SH3RF3: variants seen among roughly 807,000 people sequenced by gnomAD.
SH3RF3 encodes E3 ubiquitin-protein ligase SH3RF3.
A neutral mutation model predicts 66.3 loss-of-function variants in SH3RF3; 29 were observed. That is an observed-to-expected ratio of 0.44 (90% confidence interval 0.33 to 0.60). The LOEUF (loss-of-function observed/expected upper bound fraction) is 0.60, where lower values mean the gene tolerates loss of function less well. Ranked by LOEUF, SH3RF3 falls within the 20% of genes least tolerant of loss-of-function variation. The pLI is 0.04. For synonymous variants in SH3RF3, 583 were observed against 532.0 expected (o/e 1.10, Z -1.32); for missense variants, 1,194 against 1,190.9 (o/e 1.00, Z -0.04).
intron 8 of SH3RF3, among the ~76,000 whole-genome samples, chr2:109,463,252 G>A (rs1441497155): frequency 6.6e-6 from 1 of 152,234 alleles, no homozygotes; most frequent in Non-Finnish European, 1.5e-5. Flanking sequence ...GGAATATAAT[G>A]GACTGCCAGT....
At chr2:109,264,211 A>ATAT in intron 1 of SH3RF3, among the ~76,000 whole-genome samples, 2 of 147,926 alleles carry the variant, frequency 1.4e-5, no homozygotes, top group Admixed American at 6.7e-5. Context: ...TCACCTCCCC[A>ATAT]GGATCCACTC....
intron 8 of SH3RF3, among the ~76,000 whole-genome samples, chr2:109,461,946 C>G (rs1476976446): frequency 6.6e-6 from 1 of 152,158 alleles, no homozygotes; most frequent in Non-Finnish European, 1.5e-5. Flanking sequence ...CTTTTTAACT[C>G]TGGCTATAGG....
intron 1 of SH3RF3, among the ~76,000 whole-genome samples, chr2:109,317,324 G>A (rs1681909230): frequency 1.3e-5 from 2 of 152,140 alleles, no homozygotes; most frequent in African/African-American, 2.4e-5. Flanking sequence ...TCCCTGAGGG[G>A]GCGTCTGTGG....
chr2:109,169,282 G>A lies in SH3RF3; in HGVS notation c.573+39169G>A, dbSNP rs76391129. On this transcript the variant is annotated intron_variant, in intron 1 of 9. Transcript: ENST00000309415. ...AAAGTGTTTGTACTTGCTGAGAGGC[G>A]GGTATATTATTTTTGCCAAGTTCAT... Among the ~76,000 whole-genome samples the A allele has an allele frequency of 2.4e-3, 364 of 152,250 alleles. 1 individual carries two copies. The highest frequency in any genetic ancestry group is 8.0e-3 in the African/African-American group (334 of 41,534).
At chr2:109,381,018 T>C (rs1198169953) in intron 3 of SH3RF3, among the ~76,000 whole-genome samples, 1 of 152,240 alleles carries the variant, frequency 6.6e-6, no homozygotes, top group Non-Finnish European at 1.5e-5. Context: ...CTGTGTTGGC[T>C]TTAAGCAGTA....
intron 1 of SH3RF3, among the ~76,000 whole-genome samples, chr2:109,170,247 CT>C (rs2104942066): frequency 1.8e-4 from 1 of 5,586 alleles, no homozygotes; most frequent in East Asian, 4.7e-3. Context: ...CTTTTCTTTT[CT>C]CTTCTCTTCT....
chr2:109,364,603 G>T (rs1173079848), intron 2 of SH3RF3, among the ~76,000 whole-genome samples: 2 of 152,222 alleles, frequency 1.3e-5, no homozygotes, highest in African/African-American at 4.8e-5. Flanking sequence ...CTTTGGTGCT[G>T]TGGGGGCCAT....
intron 1 of SH3RF3, chr2:109,251,349 G>A (rs945844883): frequency 1.1e-5 from 6 of 558,514 alleles, no homozygotes; most frequent in Admixed American, 4.7e-5. Flanking sequence ...CAAGACACCC[G>A]GCCTGCCGCG....
chr2:109,405,454 C>A (rs969642769), intron 4 of SH3RF3, among the ~76,000 whole-genome samples: 1 of 152,170 alleles, frequency 6.6e-6, no homozygotes, highest in Non-Finnish European at 1.5e-5. Flanking sequence ...CAGCTCCCGG[C>A]AGCACTGTCC....
intron 1 of SH3RF3, among the ~76,000 whole-genome samples, chr2:109,149,194 G>T (rs921085385): frequency 5.3e-5 from 8 of 152,090 alleles, no homozygotes; most frequent in African/African-American, 1.9e-4. Flanking sequence ...GGGCCACACT[G>T]CTGTCCTTGG....
At chr2:109,243,085 G>A (rs1376655020) in intron 1 of SH3RF3, among the ~76,000 whole-genome samples, 3 of 152,236 alleles carry the variant, frequency 2.0e-5, no homozygotes, top group Non-Finnish European at 4.4e-5. Flanking sequence ...TTCCTGTAGC[G>A]TCAGCAGCAG....
chr2:109,152,198 A>G (rs929615943), intron 1 of SH3RF3, among the ~76,000 whole-genome samples: 1 of 152,254 alleles, frequency 6.6e-6, no homozygotes, highest in Non-Finnish European at 1.5e-5. Flanking sequence ...GAAATAAATT[A>G]TCACAAAACT....
chr2:109,480,804 C>T (rs74899024), intron 8 of SH3RF3, among the ~76,000 whole-genome samples: 3,247 of 152,256 alleles, frequency 0.021, 51 homozygotes, highest in Non-Finnish European at 0.033. Context: ...TTATGACCTC[C>T]GGCTCTCTCT....
intron 1 of SH3RF3, among the ~76,000 whole-genome samples, chr2:109,305,129 A>T (rs1306176464): frequency 6.6e-6 from 1 of 152,126 alleles, no homozygotes; most frequent in Non-Finnish European, 1.5e-5. Flanking sequence ...TGATAATATT[A>T]ATCTCTTAGA....
intron 1 of SH3RF3, among the ~76,000 whole-genome samples, chr2:109,235,261 G>T (rs779905237): frequency 6.6e-5 from 10 of 152,298 alleles, no homozygotes; most frequent in Non-Finnish European, 1.3e-4. Flanking sequence ...GGGAGGACTG[G>T]TTGGTGGGCC....
chr2:109,310,003 T>A (rs1253248888), intron 1 of SH3RF3, among the ~76,000 whole-genome samples: 1 of 125,652 alleles, frequency 8.0e-6, no homozygotes, highest in East Asian at 2.1e-4. Context: ...AATAGACATC[T>A]ACAGAACTCT....
chr2:109,162,020 GCCCCCTCCTTGGGATGTGTC>G (rs1236665922), intron 1 of SH3RF3, among the ~76,000 whole-genome samples: 1 of 152,112 alleles, frequency 6.6e-6, no homozygotes, highest in Admixed American at 6.5e-5. Context: ...CCCTCCTCCA[GCCCCCTCCTTGGGATGTGTC>G]CTCAGGATCT....
chr2:109,237,537 A>G (rs1447349108), intron 1 of SH3RF3, among the ~76,000 whole-genome samples: 4 of 152,196 alleles, frequency 2.6e-5, no homozygotes, highest in Non-Finnish European at 1.5e-5. Flanking sequence ...GGCCCAGGGA[A>G]TGGCTTTGAA....
intron 1 of SH3RF3, among the ~76,000 whole-genome samples, chr2:109,249,513 CTTTCTT>C (rs368232135): frequency 9.2e-5 from 4 of 43,614 alleles, no homozygotes; most frequent in Non-Finnish European, 1.3e-4. Flanking sequence ...TTCTTTCATT[CTTTCTT>C]TTTCTTTCTT....
Sources: allele counts gnomAD v4.1 joint callset (sites outside exome capture counted in the v4.1 genomes callset), GRCh38; gene constraint gnomAD v4.1.1; transcripts MANE v1.5; gene names NCBI Gene and HGNC (gene_info 2026-07-23, HGNC 2026-07-21).